The following CTDSPL2 variants were observed in gnomAD, a reference collection of about 807,000 sequenced individuals.
The protein encoded by CTDSPL2 is CTD small phosphatase-like protein 2.
A neutral mutation model predicts 60.0 loss-of-function variants in CTDSPL2; 5 were observed. The observed-to-expected ratio is 0.08, with a 90% CI of 0.04 to 0.18. CTDSPL2 has a LOEUF of 0.18. Among genes scored for constraint, CTDSPL2 ranks in the 10% least tolerant of loss-of-function variants. The pLI is 1.00. For synonymous variants in CTDSPL2, 186 were observed against 189.3 expected, an observed-to-expected ratio of 0.98 and a Z score of 0.14; for missense variants, 370 against 548.8, an observed-to-expected ratio of 0.67 and a Z score of 3.26.
In CTDSPL2 at chr15:44,470,097, CAAAAAAA is replaced by C. The variant is rs886463524; in HGVS notation, c.186+10915_186+10921del. Among the ~76,000 whole-genome samples, 6 of 54,160 alleles carry C rather than the reference CAAAAAAA, an allele frequency of 1.1e-4. No homozygotes were observed. The East Asian group carries it at 2.6e-3, about 23-fold the overall frequency. 35.5% of individuals were successfully genotyped at this position (54,160 alleles called of 152,430 possible). On this transcript the variant is annotated intron_variant, in intron 2 of 12. Transcript: ENST00000260327. ...TGGGCGACAGAGCGAGACTCTGTCTCAAAAAAAAAAAAAAAAAAAAAAAATGGCGACT... is the reference window on the plus strand; with the variant it reads ...TGGGCGACAGAGCGAGACTCTGTCTCAAAAAAAAAAAAAAAAATGGCGACT...
intron 3 of CTDSPL2, among the ~76,000 whole-genome samples, chr15:44,486,174 A>G (rs2081115479): frequency 6.6e-6 from 1 of 152,128 alleles, no homozygotes; most frequent in Admixed American, 6.5e-5. Flanking sequence ...ATGAATTAGA[A>G]CCGTCCTAGA....
intron 8 of CTDSPL2, among the ~76,000 whole-genome samples, chr15:44,509,394 C>T (rs1440870887): frequency 1.3e-5 from 2 of 151,752 alleles, no homozygotes; most frequent in South Asian, 2.1e-4. Context: ...TTAGTAGAGA[C>T]GGGGTTTCCA....
intron 1 of CTDSPL2, among the ~76,000 whole-genome samples, chr15:44,444,302 T>TACAC (rs59993417): frequency 0.056 from 7,658 of 136,194 alleles, 217 homozygotes; most frequent in Middle Eastern, 0.099. Flanking sequence ...GCTTTTCCCA[T>TACAC]ACACACACAC....
At chr15:44,493,940 A>C (rs2140814037) in intron 5 of CTDSPL2, among the ~76,000 whole-genome samples, 1 of 152,284 alleles carries the variant, frequency 6.6e-6, no homozygotes, top group East Asian at 1.9e-4. Flanking sequence ...TTTACATCTG[A>C]TGTCATCCAT....
chr15:44,468,340 T>TTAATACTGTC (rs200828816), intron 2 of CTDSPL2, among the ~76,000 whole-genome samples: 1,552 of 152,292 alleles, frequency 0.01, 10 homozygotes, highest in Non-Finnish European at 0.016. Flanking sequence ...ATTTATTAAT[T>TTAATACTGTC]TAATACTGTC....
chr15:44,438,806 C>G (rs2080026150), intron 1 of CTDSPL2, among the ~76,000 whole-genome samples: 1 of 152,126 alleles, frequency 6.6e-6, no homozygotes. Context: ...GAGGCTCATT[C>G]TCCAACTCCA....
In CTDSPL2 at chr15:44,526,613, G is replaced by T. The variant is rs902527185; in HGVS notation, c.*2439G>T. ...ATTTTATTTGAGTCATTTTAAATTTGTTAATACAAAATTTAAGATAATTTA... is the reference window on the plus strand; with the variant it reads ...ATTTTATTTGAGTCATTTTAAATTTTTTAATACAAAATTTAAGATAATTTA... On this transcript the variant is annotated 3_prime_UTR_variant, in exon 13 of 13. Coordinates refer to ENST00000260327, the MANE Select transcript of CTDSPL2 (RefSeq NM_016396.3). The T allele has an allele frequency of 1.3e-5, 2 of 151,970 alleles. No homozygotes were observed. Among genetic ancestry groups the T allele is most frequent in the Non-Finnish European group, 2.9e-5 (2 of 67,922 alleles). The allele number at this position is 151,970 out of a possible 1,614,324, so 9.4% of individuals were successfully genotyped here.
At chr15:44,471,764 C>T (rs2080815320) in intron 2 of CTDSPL2, among the ~76,000 whole-genome samples, 1 of 152,094 alleles carries the variant, frequency 6.6e-6, no homozygotes, top group Non-Finnish European at 1.5e-5. Flanking sequence ...CCTCTAGCTC[C>T]TAAATTTCCC....
intron 1 of CTDSPL2, among the ~76,000 whole-genome samples, chr15:44,444,340 C>CAGACACAG (rs1169716553): frequency 6.8e-6 from 1 of 148,068 alleles, no homozygotes; most frequent in Non-Finnish European, 1.5e-5. Context: ...CACACACACA[C>CAGACACAG]AGACACAGAG....
intron 11 of CTDSPL2, 33 bp downstream of exon 11, chr15:44,519,328 G>A: frequency 6.6e-7 from 1 of 1,519,852 alleles, no homozygotes; most frequent in Admixed American, 2.5e-5. Context: ...AACTCAGATT[G>A]GAAAAAATAC....
chr15:44,473,743 C>G lies in CTDSPL2; in HGVS notation c.187-10481C>G, dbSNP rs143249810. Among the ~76,000 whole-genome samples the G allele has an allele frequency of 7.4e-3, 1,123 of 152,282 alleles. 12 individuals are homozygous for G. The highest frequency in any genetic ancestry group is 0.026 in the African/African-American group (1,074 of 41,544). On this transcript the variant is annotated intron_variant, in intron 2 of 12. Transcript: ENST00000260327. ...GTCCCAGCACCATTTGTTGAAGACA[C>G]TTTTTAACTTTTGAGAAACTGCCCA...
At chr15:44,434,166 C>T (rs1046443421) in intron 1 of CTDSPL2, among the ~76,000 whole-genome samples, 1 of 151,858 alleles carries the variant, frequency 6.6e-6, no homozygotes, top group Non-Finnish European at 1.5e-5. Flanking sequence ...CTTTGGGAGG[C>T]CAAGATGGGC....
chr15:44,494,651 T>C (rs1214965368), intron 5 of CTDSPL2, among the ~76,000 whole-genome samples: 1 of 150,924 alleles, frequency 6.6e-6, no homozygotes, highest in Non-Finnish European at 1.5e-5. Flanking sequence ...GGCTCATGCC[T>C]GTAGTCCCTG....
At chr15:44,457,470 G>C (rs1304008285) in intron 1 of CTDSPL2, among the ~76,000 whole-genome samples, 1 of 152,156 alleles carries the variant, frequency 6.6e-6, no homozygotes, top group Admixed American at 6.6e-5. Context: ...CTCTGGATTA[G>C]CTTTGGTTTA....
chr15:44,501,814 AT>A (rs2081386318), intron 8 of CTDSPL2: 1 of 334,768 alleles, frequency 3.0e-6, no homozygotes, highest in South Asian at 2.6e-5. Context: ...CGTAGTTAAT[AT>A]TGGGTACATT....
chr15:44,452,632 A>G (rs1455439920), intron 1 of CTDSPL2, among the ~76,000 whole-genome samples: 1 of 152,146 alleles, frequency 6.6e-6, no homozygotes. Context: ...AAAAACATAC[A>G]TCCTTAACAG....
At chr15:44,465,876 G>A (rs2080676372) in intron 2 of CTDSPL2, among the ~76,000 whole-genome samples, 3 of 151,026 alleles carry the variant, frequency 2.0e-5, no homozygotes, top group Admixed American at 2.0e-4. Context: ...ACCATGCCTG[G>A]CTAATTTTTT....
chr15:44,463,077 C>T (rs1005923850), intron 2 of CTDSPL2, among the ~76,000 whole-genome samples: 3 of 152,110 alleles, frequency 2.0e-5, no homozygotes, highest in African/African-American at 7.2e-5. Flanking sequence ...TAAGATCTTT[C>T]ATTAATGCCT....
At chr15:44,475,515 T>C (rs1326606342) in intron 2 of CTDSPL2, among the ~76,000 whole-genome samples, 1 of 151,946 alleles carries the variant, frequency 6.6e-6, no homozygotes, top group African/African-American at 2.4e-5. Context: ...GGTGGGCACC[T>C]GTAATCCCAG....
Sources: allele counts gnomAD v4.1 joint callset (sites outside exome capture counted in the v4.1 genomes callset), GRCh38; gene constraint gnomAD v4.1.1; transcripts MANE v1.5; gene names NCBI Gene and HGNC (gene_info 2026-07-23, HGNC 2026-07-21).